The following TAS2R1 variants were observed in gnomAD, a reference collection of about 807,000 sequenced individuals.
TAS2R1 encodes the protein taste 2 receptor member 1.
For missense variants in TAS2R1, 370 were observed against 353.4 expected, an observed-to-expected ratio of 1.05 and a Z score of -0.38; for synonymous variants, 141 against 134.2, an observed-to-expected ratio of 1.05 and a Z score of -0.35.
At chr5:9,698,344 T>C (rs542413763) in intron 1 of TAS2R1, among the ~76,000 whole-genome samples, 4 of 152,334 alleles carry the variant, frequency 2.6e-5, no homozygotes, top group Admixed American at 2.0e-4. Context: ...TTTGTATTAA[T>C]AGTTTTCAAG....
the TAS2R1 span, among the ~76,000 whole-genome samples, chr5:9,884,500 CACCTCT>C: frequency 6.7e-6 from 1 of 148,392 alleles, no homozygotes; most frequent in Non-Finnish European, 1.5e-5. Flanking sequence ...AAAAAGTCCC[CACCTCT>C]TAATACTTTA....
the TAS2R1 span, among the ~76,000 whole-genome samples, chr5:9,723,595 G>C: frequency 1.3e-5 from 2 of 152,218 alleles, no homozygotes; most frequent in Non-Finnish European, 2.9e-5. Context: ...GAAGAGGGGA[G>C]ATGCCCACCC....
chr5:9,774,670 T>G, the TAS2R1 span, among the ~76,000 whole-genome samples: 1 of 152,250 alleles, frequency 6.6e-6, no homozygotes, highest in Non-Finnish European at 1.5e-5. Flanking sequence ...CCTAATAACG[T>G]TGTGGTTCTT....
chr5:9,642,166 T>C (rs1740097923), intron 2 of TAS2R1, among the ~76,000 whole-genome samples: 3 of 152,174 alleles, frequency 2.0e-5, no homozygotes, highest in South Asian at 2.1e-4. Context: ...AAGCTTTTCA[T>C]CAGGTAGAAG....
chr5:9,782,220 T>C, the TAS2R1 span, among the ~76,000 whole-genome samples: 1 of 152,194 alleles, frequency 6.6e-6, no homozygotes, highest in Non-Finnish European at 1.5e-5. Flanking sequence ...TTCTGACCAA[T>C]GAAGGTCTTT....
chr5:9,877,876 T>C, the TAS2R1 span, among the ~76,000 whole-genome samples: 273 of 152,284 alleles, frequency 1.8e-3, 1 homozygote, highest in Non-Finnish European at 3.2e-3. Flanking sequence ...ACAAACAGAA[T>C]ATCAAGCTTT....
chr5:9,756,403 T>C, the TAS2R1 span, among the ~76,000 whole-genome samples: 1 of 152,222 alleles, frequency 6.6e-6, no homozygotes, highest in African/African-American at 2.4e-5. Context: ...TTGATCAATG[T>C]CTCCCAAGAG....
At chr5:9,737,721 C>T in the TAS2R1 span, among the ~76,000 whole-genome samples, 2 of 152,190 alleles carry the variant, frequency 1.3e-5, no homozygotes, top group Non-Finnish European at 2.9e-5. Flanking sequence ...TCATCATGCA[C>T]ATCAATTTAA....
chr5:9,645,977 G>T (rs1167136388), intron 2 of TAS2R1, among the ~76,000 whole-genome samples: 1 of 152,118 alleles, frequency 6.6e-6, no homozygotes, highest in African/African-American at 2.4e-5. Context: ...CATTGGGTGT[G>T]CTGAAATAGT....
the TAS2R1 span, among the ~76,000 whole-genome samples, chr5:9,725,641 C>G: frequency 6.6e-6 from 1 of 152,156 alleles, no homozygotes; most frequent in Non-Finnish European, 1.5e-5. Context: ...GCGGCCCCAG[C>G]CTCCCCGACG....
chr5:9,706,613 A>C (rs2126529729), intron 1 of TAS2R1, among the ~76,000 whole-genome samples: 1 of 152,354 alleles, frequency 6.6e-6, no homozygotes, highest in African/African-American at 2.4e-5. Flanking sequence ...AACATCAGAA[A>C]CCAAAGAAGT....
the TAS2R1 span, among the ~76,000 whole-genome samples, chr5:9,876,244 A>C: frequency 6.6e-6 from 1 of 152,188 alleles, no homozygotes; most frequent in Non-Finnish European, 1.5e-5. Flanking sequence ...CAAAAAAAAA[A>C]AAAAAGTTTG....
the TAS2R1 span, among the ~76,000 whole-genome samples, chr5:9,879,806 C>T: frequency 6.6e-6 from 1 of 152,080 alleles, no homozygotes; most frequent in Non-Finnish European, 1.5e-5. Flanking sequence ...TACAGCTTTC[C>T]CCCAGCCTGT....
chr5:9,857,885 G>A, the TAS2R1 span, among the ~76,000 whole-genome samples: 3,006 of 152,268 alleles, frequency 0.02, 98 homozygotes, highest in African/African-American at 0.066. Flanking sequence ...TGCTGCTAAT[G>A]TCCTCCAGCA....
chr5:9,692,451 G>C (rs1741264677), intron 1 of TAS2R1, among the ~76,000 whole-genome samples: 1 of 152,190 alleles, frequency 6.6e-6, no homozygotes, highest in East Asian at 1.9e-4. Flanking sequence ...AATCCCAGTG[G>C]TTGTAGATAT....
At chr5:9,811,599 G>A in the TAS2R1 span, among the ~76,000 whole-genome samples, 1 of 152,118 alleles carries the variant, frequency 6.6e-6, no homozygotes, top group Non-Finnish European at 1.5e-5. Context: ...GTTCCTCCCT[G>A]GTTCTGAATA....
At chr5:9,635,242 T>C (rs183728364), upstream of TAS2R1, among the ~76,000 whole-genome samples, 143 of 152,284 alleles carry the variant, frequency 9.4e-4, 3 homozygotes, top group Admixed American at 8.6e-3. Context: ...ACGTCATGTA[T>C]CACATGTATT....
chr5:9,674,343 T>C (rs1740828389), intron 1 of TAS2R1, among the ~76,000 whole-genome samples: 1 of 152,184 alleles, frequency 6.6e-6, no homozygotes, highest in African/African-American at 2.4e-5. Flanking sequence ...ATCAACCACA[T>C]GGCTTAAGAA....
the TAS2R1 span, among the ~76,000 whole-genome samples, chr5:9,862,603 G>T: frequency 1.7e-3 from 22 of 13,272 alleles, no homozygotes; most frequent in African/African-American, 8.9e-3. Flanking sequence ...TTCGTTTTAT[G>T]ATTATTATTA....
Sources: allele counts gnomAD v4.1 joint callset (sites outside exome capture counted in the v4.1 genomes callset), GRCh38; gene constraint gnomAD v4.1.1; transcripts MANE v1.5; gene names NCBI Gene and HGNC (gene_info 2026-07-23, HGNC 2026-07-21).